The following NT5DC2 variants were observed in gnomAD, a reference collection of about 807,000 sequenced individuals.
NT5DC2 encodes the protein 5'-nucleotidase domain-containing protein 2.
A neutral mutation model predicts 70.0 loss-of-function variants in NT5DC2; 41 were observed. The ratio of observed to expected loss-of-function variants is 0.59; its 90% CI spans 0.46 to 0.76. The LOEUF (loss-of-function observed/expected upper bound fraction) is 0.76, where lower values mean the gene tolerates loss of function less well. Ranked by LOEUF, NT5DC2 falls within the 30% of genes least tolerant of loss-of-function variation. NT5DC2 has a pLI of 0.00. For missense variants in NT5DC2, 705 were observed against 783.2 expected (o/e 0.90, Z 1.19); for synonymous variants, 299 against 310.4 (o/e 0.96, Z 0.39).
chr3:52,532,985 C>A (rs1236823659), intron 1 of NT5DC2, among the ~76,000 whole-genome samples: 4 of 152,180 alleles, frequency 2.6e-5, no homozygotes, highest in Non-Finnish European at 4.4e-5. Flanking sequence ...CTTGGCTTCT[C>A]CCAGCCTTCG....
In NT5DC2 at chr3:52,527,665, A is replaced by G. The variant is rs148986349; in HGVS notation, c.989T>C (p.Val330Ala). The G allele has an allele frequency of 1.2e-5, 20 of 1,613,168 alleles. No homozygotes were observed. The highest frequency in any genetic ancestry group is 1.5e-5 in the Non-Finnish European group (18 of 1,180,018). Residue 330 changes from valine (V) to alanine (A), a missense_variant, in exon 9 of 14, where the codon GTG becomes GCG. Physicochemically the swap from Val to Ala is moderately conservative, Grantham distance 64. Transcript: ENST00000422318. ...GGGCTTGTCTGCCTGGACAATGACCACATCGAAGAGCTGGCGCCAATCGGG... is the reference window on the plus strand; with the variant it reads ...GGGCTTGTCTGCCTGGACAATGACCGCATCGAAGAGCTGGCGCCAATCGGG... Reference protein sequence around the residue: ...VGPDWRQLFDVVIVQADKPSF... With the variant: ...VGPDWRQLFDAVIVQADKPSF...
At position 52,533,754 on chromosome 3, in the gene NT5DC2, C is replaced by T; in HGVS notation, c.-17G>A. On this transcript the variant is annotated 5_prime_UTR_variant, in exon 1 of 14. Transcript: ENST00000422318. ...ACCCGCCATGCCCACCGCGCGCCGC[C>T]CGCCGCCCGCGCTGCCCTCGGCCAG... 1 of 957,752 alleles carries T rather than the reference C, an allele frequency of 1.0e-6. No individual in the cohort carries two copies. The highest frequency in any genetic ancestry group is 1.2e-6 in the Non-Finnish European group (1 of 811,014). 59.3% of individuals were successfully genotyped at this position (957,752 alleles called of 1,614,324 possible).
rs768701587 is a variant in NT5DC2, at chr3:52,529,340, G to A, written c.233-6C>T. Reference sequence around the variant, plus strand: ...GACCTCGGGGGGCAGGAGGTCTAGAGGAAGGAGATGCAGGGAGGCAGTGAT... The same window carrying A: ...GACCTCGGGGGGCAGGAGGTCTAGAAGAAGGAGATGCAGGGAGGCAGTGAT... On this transcript the variant is annotated splice_polypyrimidine_tract_variant and splice_region_variant and intron_variant, in intron 1 of 13. Transcript: ENST00000422318. The surrounding 1 kb of genome is among the most constrained non-coding windows in gnomAD (Gnocchi z 4.1). The A allele has an allele frequency of 3.7e-6, 6 of 1,612,924 alleles. No homozygotes were observed. The highest frequency in any genetic ancestry group is 4.2e-6 in the Non-Finnish European group (5 of 1,179,672).
chr3:52,532,204 A>T (rs2079371034), intron 1 of NT5DC2: 1 of 985,412 alleles, frequency 1.0e-6, no homozygotes, highest in Admixed American at 6.1e-5. Flanking sequence ...TTGTATGACA[A>T]GAGGAGCTTA....
At chr3:52,534,679 A>T (rs765977235), upstream of NT5DC2, 65 of 1,590,118 alleles carry the variant, frequency 4.1e-5, no homozygotes, top group Non-Finnish European at 5.1e-5. Context: ...CCGTATTCCG[A>T]GCCCGCACGC....
Position 52,528,485 on chromosome 3 carries a change from C to G in NT5DC2, c.603G>C (p.Gln201His), listed in dbSNP as rs767196413. 1.2e-6 allele frequency: 2 copies of G among 1,613,732 alleles called. No individual in the cohort carries two copies. Among genetic ancestry groups the G allele is most frequent in the Non-Finnish European group, 1.7e-6 (2 of 1,180,026 alleles). Residue 201 changes from glutamine to histidine, a missense_variant, in exon 5 of 14, where the codon CAG (glutamine) becomes CAC (histidine). Physicochemically the swap from Gln to His is conservative, Grantham distance 24 (BLOSUM62 0). Transcript: ENST00000422318. The part of the protein sequence containing the change: ...EEVIELYGGT[Q>H]HIPLYQMSGF... ...CACTCATCTGGTATAGTGGGATGTG[C>G]TGGGTACCCCCATACAGCTCAATCA...
intron 1 of NT5DC2, chr3:52,532,491 T>G (rs2079374225): frequency 1.0e-6 from 1 of 985,248 alleles, no homozygotes; most frequent in African/African-American, 1.7e-5. Flanking sequence ...GAAGTGATTC[T>G]CCGCCACCCC....
chr3:52,525,147 G>A, intron 11 of NT5DC2, 44 bp from the exon 12 acceptor site: 1 of 1,468,716 alleles, frequency 6.8e-7, no homozygotes, highest in South Asian at 1.2e-5. Context: ...CCAGTTGCTG[G>A]GGGCGGGGGG....
At chr3:52,532,189 G>A in intron 1 of NT5DC2, 8 of 985,482 alleles carry the variant, frequency 8.1e-6, no homozygotes, top group Non-Finnish European at 9.6e-6. Context: ...GAATGACTTT[G>A]CTCCTTGTAT....
Position 52,525,015 on chromosome 3 carries a change from A to G in NT5DC2, c.1295T>C (p.Met432Thr). ...CGCCTGCTGCCACGTCAGCGAGTGC[A>G]TGTACTGCTCCGTGTTGATGATGCG... ...EIRIINTEQY[M>T]HSLTWQQALT... Residue 432 changes from methionine to threonine, a missense_variant, in exon 12 of 14, where the codon ATG becomes ACG. Physicochemically the swap from Met to Thr is moderately conservative, Grantham distance 81 (BLOSUM62 -1). Coordinates refer to ENST00000422318, the MANE Select transcript of NT5DC2 (RefSeq NM_001134231.2). 1.2e-6 allele frequency: 2 copies of G among 1,610,504 alleles called. No homozygotes were observed. Among genetic ancestry groups the G allele is most frequent in the South Asian group, 1.1e-5 (1 of 90,720 alleles).
upstream of NT5DC2, chr3:52,533,929 CGGCGG>C (rs900912486): frequency 3.4e-5 from 25 of 736,104 alleles, no homozygotes; most frequent in African/African-American, 3.1e-4. Flanking sequence ...GCCCCGGACC[CGGCGG>C]GGCGGGGCGG....
rs1265907030 is a variant in NT5DC2 at position 52,533,832 on chromosome 3, C to T, written c.-95G>A. On this transcript the variant is annotated 5_prime_UTR_variant, in exon 1 of 14. Coordinates refer to ENST00000422318, the MANE Select transcript of NT5DC2 (RefSeq NM_001134231.2). Reference sequence around the variant, plus strand: ...GACTGCGCGCCCGCCACGGTGGCCTCGTGCTCCTCACGGCGGCCGGCCAAT... The same window carrying T: ...GACTGCGCGCCCGCCACGGTGGCCTTGTGCTCCTCACGGCGGCCGGCCAAT... 2 of 980,474 alleles carry T rather than the reference C, an allele frequency of 2.0e-6. No individual in the cohort carries two copies. Among genetic ancestry groups the T allele is most frequent in the Non-Finnish European group, 2.4e-6 (2 of 827,914 alleles). 60.7% of individuals were successfully genotyped at this position (980,474 alleles called of 1,614,324 possible). A position where few individuals can be genotyped will look rare whatever the true frequency, so the allele number is the denominator to read the frequency against.
intron 9 of NT5DC2, 52 bp downstream of exon 9, chr3:52,527,565 G>A (rs544118776): frequency 5.0e-6 from 8 of 1,586,156 alleles, no homozygotes; most frequent in South Asian, 1.1e-5. Flanking sequence ...CCTCATTGGG[G>A]TGGGGCCTCT....
At chr3:52,534,769 CGTT>C, upstream of NT5DC2, 1 of 1,419,728 alleles carries the variant, frequency 7.0e-7, no homozygotes, top group Non-Finnish European at 9.5e-7. Flanking sequence ...GCTGGGCGCG[CGTT>C]GTTTTCTGAG....
chr3:52,527,282 G>C lies in NT5DC2; in HGVS notation c.1119+12C>G, dbSNP rs1290197371. On this transcript the variant is annotated intron_variant, in intron 10 of 13. Coordinates refer to ENST00000422318, the MANE Select transcript of NT5DC2 (RefSeq NM_001134231.2). Reference sequence around the variant, plus strand: ...CCCCCACCACATGCTGCTCTCCCCAGATGGCCCTTACCTGCCGATAGATCT... The same window carrying C: ...CCCCCACCACATGCTGCTCTCCCCACATGGCCCTTACCTGCCGATAGATCT... The C allele has an allele frequency of 4.3e-6, 7 of 1,613,362 alleles. No homozygotes were observed. Among genetic ancestry groups the C allele is most frequent in the Middle Eastern group, 3.3e-4 (2 of 6,082 alleles).
In NT5DC2 at chr3:52,525,120, C is replaced by G. The variant is rs546944676; in HGVS notation, c.1207-17G>C. The G allele has an allele frequency of 9.9e-6, 9 of 910,306 alleles. No individual in the cohort carries two copies. The East Asian group carries it at 5.0e-4, about 51-fold the overall frequency. 56.4% of individuals were successfully genotyped at this position (910,306 alleles called of 1,614,324 possible). A position where few individuals can be genotyped will look rare whatever the true frequency, so the allele number is the denominator to read the frequency against. On this transcript the variant is annotated splice_polypyrimidine_tract_variant and intron_variant, in intron 11 of 13. Transcript: ENST00000422318. The stretch of plus-strand genomic sequence containing the variant: ...CATGAGATCCTGGTGGGTGGGGCGG[C>G]AGAACTGGGCTCAGCGCCAGTTGCT...
chr3:52,530,224 G>A (rs891822357), intron 1 of NT5DC2, among the ~76,000 whole-genome samples: 1 of 152,226 alleles, frequency 6.6e-6, no homozygotes, highest in East Asian at 1.9e-4. Flanking sequence ...TTCTGGGGAT[G>A]TGGTCGTGGC....
rs1430188773 is a variant in NT5DC2 at position 52,528,316 on chromosome 3, G to A, written c.643-5C>T. ...GAACTGCTTAATGGAGGGACCCTGGGGAGGGGGCCATTGTCTCAGACACCC... is the reference window on the plus strand; with the variant it reads ...GAACTGCTTAATGGAGGGACCCTGGAGAGGGGGCCATTGTCTCAGACACCC... On this transcript the variant is annotated splice_polypyrimidine_tract_variant and splice_region_variant and intron_variant, in intron 5 of 13. Coordinates refer to ENST00000422318, the MANE Select transcript of NT5DC2 (RefSeq NM_001134231.2). 7 of 1,613,228 alleles carry A rather than the reference G, an allele frequency of 4.3e-6. No homozygotes were observed. Among genetic ancestry groups the A allele is most frequent in the Non-Finnish European group, 5.9e-6 (7 of 1,180,020 alleles).
At position 52,528,018 on chromosome 3, in the gene NT5DC2, T is replaced by A. The variant is rs2079303974; in HGVS notation, c.827A>T (p.Asp276Val). 1 of 1,612,022 alleles carries A rather than the reference T, an allele frequency of 6.2e-7. No individual in the cohort carries two copies. Among genetic ancestry groups the A allele is most frequent in the Non-Finnish European group, 8.5e-7 (1 of 1,179,512 alleles). ...GGGCTTCTGTCCACACTTACCCATG[T>A]CCTGCTCGATCCACTGGTACATGAG... ...KGLMYQWIEQ[D>V]MEKYILRGDE... The change falls in exon 7 of 14, where the codon GAC (aspartate) becomes GTC (valine). Residue 276 changes from aspartate (D) to valine (V), a missense_variant. Asp to Val is a radical substitution (Grantham distance 152). Transcript: ENST00000422318.
Sources: allele counts gnomAD v4.1 joint callset (sites outside exome capture counted in the v4.1 genomes callset), GRCh38; gene constraint gnomAD v4.1.1; non-coding constraint Gnocchi (gnomAD v3.1); transcripts MANE v1.5; gene names NCBI Gene and HGNC (gene_info 2026-07-23, HGNC 2026-07-21).